Variants in CDH13 observed in about 807,000 individuals in gnomAD.
CDH13 encodes the protein cadherin 13.
In CDH13, 24 loss-of-function variants were observed where a neutral mutation model predicts 63.8. That is an observed-to-expected ratio of 0.38 (90% confidence interval 0.27 to 0.53). The LOEUF is 0.53. Among genes scored for constraint, CDH13 ranks in the 20% least tolerant of loss-of-function variants. The probability of loss-of-function intolerance (pLI) is 0.85; values close to 1 mark genes in which losing one functional copy is unlikely to be tolerated. For synonymous variants in CDH13, 503 were observed against 355.3 expected, an observed-to-expected ratio of 1.42 and a Z score of -4.67; for missense variants, 1,049 against 903.1, an observed-to-expected ratio of 1.16 and a Z score of -2.07.
chr16:82,914,213 G>A (rs1343015572), intron 2 of CDH13, among the ~76,000 whole-genome samples: 2 of 152,102 alleles, frequency 1.3e-5, no homozygotes, highest in Non-Finnish European at 2.9e-5. Flanking sequence ...CCACCGCCAT[G>A]CAGCCATCAT....
intron 7 of CDH13, among the ~76,000 whole-genome samples, chr16:83,495,497 G>A (rs141521977): frequency 1.2e-3 from 185 of 152,298 alleles, no homozygotes; most frequent in Middle Eastern, 0.01. Flanking sequence ...ACTTTAAAAG[G>A]TATCAGACTC....
At chr16:83,412,265 C>T (rs2092139426) in intron 6 of CDH13, among the ~76,000 whole-genome samples, 1 of 152,170 alleles carries the variant, frequency 6.6e-6, no homozygotes, top group East Asian at 1.9e-4. Flanking sequence ...AGTTCGAGAC[C>T]AGCTTGGCCA....
chr16:82,682,326 T>C (rs1567622484), intron 1 of CDH13, among the ~76,000 whole-genome samples: 1 of 152,228 alleles, frequency 6.6e-6, no homozygotes, highest in Non-Finnish European at 1.5e-5. Flanking sequence ...ATCAAGCTTT[T>C]CTGGTTCTTC....
chr16:82,775,571 C>G (rs1461614337), intron 1 of CDH13, among the ~76,000 whole-genome samples: 2 of 152,148 alleles, frequency 1.3e-5, no homozygotes, highest in Non-Finnish European at 2.9e-5. Context: ...GGGAAAGGTA[C>G]TCTGTTATCC....
intron 1 of CDH13, among the ~76,000 whole-genome samples, chr16:82,718,310 C>G (rs4082277): frequency 2.0e-5 from 3 of 152,140 alleles, no homozygotes. Flanking sequence ...CCTCTTCTGA[C>G]GAGTCACAGG....
intron 6 of CDH13, among the ~76,000 whole-genome samples, chr16:83,391,304 C>G (rs986672364): frequency 6.6e-6 from 1 of 151,840 alleles, no homozygotes; most frequent in Admixed American, 6.6e-5. Flanking sequence ...CTCCCGGGTT[C>G]AAATGATTCT....
intron 11 of CDH13, among the ~76,000 whole-genome samples, chr16:83,772,525 C>A (rs533926249): frequency 6.6e-6 from 1 of 152,330 alleles, no homozygotes; most frequent in African/African-American, 2.4e-5. Context: ...AAACTCCCGG[C>A]ATCAAAGAAA....
intron 5 of CDH13, among the ~76,000 whole-genome samples, chr16:83,220,754 C>G (rs1002657967): frequency 6.6e-6 from 1 of 150,944 alleles, no homozygotes; most frequent in African/African-American, 2.4e-5. Context: ...AAGTTAAGTG[C>G]TGCTCACATG....
intron 1 of CDH13, among the ~76,000 whole-genome samples, chr16:82,646,892 G>C (rs996998155): frequency 6.6e-6 from 1 of 152,144 alleles, no homozygotes; most frequent in Non-Finnish European, 1.5e-5. Flanking sequence ...ACGTTCAGGG[G>C]GTAATGAAGA....
chr16:83,090,078 G>A (rs576156953), intron 3 of CDH13, among the ~76,000 whole-genome samples: 2 of 152,210 alleles, frequency 1.3e-5, no homozygotes, highest in South Asian at 2.1e-4. Flanking sequence ...TGATCACCTC[G>A]CGTAGATTTG....
At chr16:82,934,797 C>A (rs2042613886) in intron 2 of CDH13, among the ~76,000 whole-genome samples, 1 of 152,212 alleles carries the variant, frequency 6.6e-6, no homozygotes, top group Non-Finnish European at 1.5e-5. Flanking sequence ...TGCTTCAGTT[C>A]TCAACAAGTT....
chr16:83,232,730 C>G (rs566529402), intron 5 of CDH13, among the ~76,000 whole-genome samples: 88 of 151,748 alleles, frequency 5.8e-4, no homozygotes, highest in Non-Finnish European at 1.1e-3. Flanking sequence ...GAACCGTGAA[C>G]CAATTAAACC....
chr16:83,707,889 G>T (rs985723781), intron 10 of CDH13, among the ~76,000 whole-genome samples: 1 of 142,028 alleles, frequency 7.0e-6, no homozygotes, highest in African/African-American at 2.6e-5. Context: ...TGAGGAGAAG[G>T]CAAGAATACT....
chr16:82,981,744 C>T (rs1353003008), intron 2 of CDH13, among the ~76,000 whole-genome samples: 1 of 152,222 alleles, frequency 6.6e-6, no homozygotes, highest in Non-Finnish European at 1.5e-5. Context: ...ATGGGATGCT[C>T]ACATTCAGCC....
At chr16:83,575,032 C>T (rs1404252272) in intron 7 of CDH13, among the ~76,000 whole-genome samples, 1 of 152,254 alleles carries the variant, frequency 6.6e-6, no homozygotes, top group East Asian at 1.9e-4. Context: ...ACAAAATGGG[C>T]CTGTCCATAC....
Position 83,101,502 on chromosome 16 carries a change from C to T in CDH13, c.367-23883C>T, listed in dbSNP as rs765467881. 2.6e-5 allele frequency among the ~76,000 whole-genome samples: 4 copies of T among 151,012 alleles called. No homozygotes were observed. The South Asian group carries it at 6.3e-4, about 24-fold the overall frequency. ...AAGTTTGAAGGATGTTTTAGAAATACTGGGTAGAGGCTGGGCGTGGTGGCT... is the reference window on the plus strand; with the variant it reads ...AAGTTTGAAGGATGTTTTAGAAATATTGGGTAGAGGCTGGGCGTGGTGGCT... On this transcript the variant is annotated intron_variant, in intron 3 of 13. Coordinates refer to ENST00000567109, the MANE Select transcript of CDH13 (RefSeq NM_001257.5).
chr16:83,711,951 C>T (rs1198286381), intron 10 of CDH13, among the ~76,000 whole-genome samples: 1 of 152,198 alleles, frequency 6.6e-6, no homozygotes, highest in Non-Finnish European at 1.5e-5. Flanking sequence ...AGTCTGAGAT[C>T]AAGGTGTTGG....
At chr16:83,411,375 A>C (rs1235746922) in intron 6 of CDH13, among the ~76,000 whole-genome samples, 3 of 152,130 alleles carry the variant, frequency 2.0e-5, no homozygotes, top group Non-Finnish European at 4.4e-5. Flanking sequence ...ACAAGCATCC[A>C]ATGTATATCA....
chr16:83,124,168 C>A (rs989001227), intron 3 of CDH13, among the ~76,000 whole-genome samples: 8 of 152,206 alleles, frequency 5.3e-5, no homozygotes, highest in Admixed American at 5.2e-4. Flanking sequence ...GCCTCAGCCT[C>A]CCTAGTAGCT....
Sources: allele counts gnomAD v4.1 joint callset (sites outside exome capture counted in the v4.1 genomes callset), GRCh38; gene constraint gnomAD v4.1.1; transcripts MANE v1.5; gene names NCBI Gene and HGNC (gene_info 2026-07-23, HGNC 2026-07-21).